The following DISC1 variants were observed in gnomAD, a reference collection of about 807,000 sequenced individuals.
The protein encoded by DISC1 is disrupted in schizophrenia 1 protein.
DISC1 carries 57 observed loss-of-function variants against 84.5 expected under a neutral mutation model. That is an observed-to-expected ratio of 0.67 (90% CI 0.55 to 0.84). The LOEUF (loss-of-function observed/expected upper bound fraction) is 0.84, where lower values mean the gene tolerates loss of function less well. DISC1 is among the 40% of genes least tolerant of loss of function. The pLI is 0.00. For missense variants in DISC1, 1,000 were observed against 1,057.8 expected (o/e 0.95, Z 0.76); for synonymous variants, 411 against 415.2 (o/e 0.99, Z 0.12).
chr1:231,933,928 C>CT (rs1250061950), intron 9 of DISC1, among the ~76,000 whole-genome samples: 2 of 152,204 alleles, frequency 1.3e-5, no homozygotes, highest in Non-Finnish European at 2.9e-5. Flanking sequence ...GGAAACATGA[C>CT]TGGCTATTTC....
At chr1:231,837,954 T>C (rs1195427330) in intron 9 of DISC1, among the ~76,000 whole-genome samples, 3 of 152,148 alleles carry the variant, frequency 2.0e-5, no homozygotes, top group Non-Finnish European at 2.9e-5. Context: ...GCCTTTTTTT[T>C]CTTTAAGAGG....
intron 2 of DISC1, among the ~76,000 whole-genome samples, chr1:231,697,244 A>G (rs1321124290): frequency 1.3e-5 from 2 of 152,126 alleles, no homozygotes; most frequent in East Asian, 1.9e-4. Flanking sequence ...CCTTATTGAT[A>G]TTATATTTTA....
chr1:231,746,298 T>C (rs2073971056), intron 3 of DISC1, among the ~76,000 whole-genome samples: 1 of 152,364 alleles, frequency 6.6e-6, no homozygotes, highest in African/African-American at 2.4e-5. Flanking sequence ...TCTTAATGGC[T>C]GAATAGTATT....
intron 9 of DISC1, among the ~76,000 whole-genome samples, chr1:231,874,288 G>A (rs1357560441): frequency 6.6e-6 from 1 of 151,820 alleles, no homozygotes; most frequent in African/African-American, 2.4e-5. Context: ...CCCCCGAGTA[G>A]CTGGGACTAC....
At chr1:231,716,148 G>A (rs755602576) in intron 3 of DISC1, among the ~76,000 whole-genome samples, 10 of 151,922 alleles carry the variant, frequency 6.6e-5, no homozygotes, top group African/African-American at 1.2e-4. Context: ...CGCTACCCCC[G>A]GGTGCTACAT....
intron 5 of DISC1, among the ~76,000 whole-genome samples, chr1:231,770,485 C>G (rs890298274): frequency 3.3e-5 from 5 of 152,128 alleles, no homozygotes; most frequent in African/African-American, 1.2e-4. Flanking sequence ...CTGCTTAGCT[C>G]AGACCTCAGG....
At chr1:231,994,794 A>G (rs912088989) in intron 10 of DISC1, among the ~76,000 whole-genome samples, 3 of 152,174 alleles carry the variant, frequency 2.0e-5, no homozygotes, top group African/African-American at 7.2e-5. Context: ...TACCTAATTT[A>G]TATTTCCTAT....
At chr1:231,871,336 C>A (rs1421659576) in intron 9 of DISC1, among the ~76,000 whole-genome samples, 1 of 152,146 alleles carries the variant, frequency 6.6e-6, no homozygotes, top group East Asian at 1.9e-4. Context: ...GGGAAGGGGA[C>A]CCACTCTGGG....
At chr1:231,701,355 C>G (rs2066395456) in intron 2 of DISC1, among the ~76,000 whole-genome samples, 1 of 152,196 alleles carries the variant, frequency 6.6e-6, no homozygotes, top group Non-Finnish European at 1.5e-5. Context: ...CAAACCATAT[C>G]AATGATGCTA....
At chr1:232,006,313 C>G (rs1419945845) in intron 10 of DISC1, among the ~76,000 whole-genome samples, 1 of 152,138 alleles carries the variant, frequency 6.6e-6, no homozygotes, top group East Asian at 1.9e-4. Context: ...TTTGTAACTT[C>G]CTAGAGACTT....
intron 5 of DISC1, among the ~76,000 whole-genome samples, chr1:231,769,642 C>T (rs2076408545): frequency 6.6e-6 from 1 of 152,140 alleles, no homozygotes; most frequent in Non-Finnish European, 1.5e-5. Context: ...TCAATGGGTA[C>T]AGAGTCTCAG....
intron 9 of DISC1, among the ~76,000 whole-genome samples, chr1:231,884,177 A>G (rs2086497435): frequency 1.3e-5 from 2 of 152,224 alleles, no homozygotes; most frequent in South Asian, 4.2e-4. Flanking sequence ...TGCAGTGGCA[A>G]CCTCCGAGTG....
At chr1:231,893,803 G>T (rs566378959) in intron 9 of DISC1, among the ~76,000 whole-genome samples, 1 of 152,184 alleles carries the variant, frequency 6.6e-6, no homozygotes, top group African/African-American at 2.4e-5. Context: ...GGGAGATGAC[G>T]CTTACTCTGC....
At chr1:231,900,399 A>G (rs860275) in intron 9 of DISC1, among the ~76,000 whole-genome samples, 38,332 of 152,112 alleles carry the variant, frequency 0.25, 6,099 homozygotes, top group East Asian at 0.67. Context: ...GATCTAAGGG[A>G]AGGCTTCAAA....
intron 1 of DISC1, among the ~76,000 whole-genome samples, chr1:231,648,436 G>T (rs1020481424): frequency 6.6e-6 from 1 of 152,180 alleles, no homozygotes; most frequent in Non-Finnish European, 1.5e-5. Context: ...TAAGCTTTTT[G>T]ATGTGCTGCT....
At chr1:231,633,988 ATTC>A (rs2058971915) in intron 1 of DISC1, among the ~76,000 whole-genome samples, 4 of 151,778 alleles carry the variant, frequency 2.6e-5, no homozygotes, top group African/African-American at 4.8e-5. Context: ...GGTTCAAGCA[ATTC>A]TTCTGCCTCA....
chr1:231,652,485 AT>A (rs2060714973), intron 1 of DISC1, among the ~76,000 whole-genome samples: 1 of 152,192 alleles, frequency 6.6e-6, no homozygotes, highest in African/African-American at 2.4e-5. Context: ...TGGAGGAAAA[AT>A]AACACATTTA....
chr1:231,644,610 ACTTC>A (rs1240941964), intron 1 of DISC1, among the ~76,000 whole-genome samples: 1 of 152,140 alleles, frequency 6.6e-6, no homozygotes, highest in Admixed American at 6.5e-5. Context: ...TTGATGTAGC[ACTTC>A]CTTGGTGGCT....
intron 9 of DISC1, chr1:231,926,074 A>G (rs7546310): frequency 2.0e-5 from 3 of 152,058 alleles, no homozygotes; most frequent in African/African-American, 7.2e-5. Context: ...CACTGTGGTG[A>G]TTATCAGCAT....
Sources: gnomAD v4.1 joint callset for allele counts (sites outside exome capture counted in the v4.1 genomes callset) on GRCh38, gnomAD v4.1.1 for gene constraint, MANE v1.5 for transcripts, NCBI Gene and HGNC (gene_info 2026-07-23, HGNC 2026-07-21) for gene names.